The following FECH variants were observed in gnomAD, a reference collection of about 807,000 sequenced individuals.
FECH encodes ferrochelatase.
FECH carries 40 observed loss-of-function variants against 56.9 expected under a neutral mutation model. The observed-to-expected ratio is 0.70, with a 90% CI of 0.55 to 0.92. FECH has a LOEUF of 0.92. Among genes scored for constraint, FECH ranks in the 40% least tolerant of loss-of-function variants. The pLI is 0.00. For synonymous variants in FECH, 175 were observed against 198.6 expected (o/e 0.88, Z 1.00); for missense variants, 431 against 529.1 (o/e 0.81, Z 1.82).
chr18:57,557,083 C>A (rs1230000812), intron 7 of FECH, among the ~76,000 whole-genome samples: 1 of 152,112 alleles, frequency 6.6e-6, no homozygotes, highest in Non-Finnish European at 1.5e-5. Flanking sequence ...GTGGCATCCA[C>A]ATGAAGCCTG....
At chr18:57,581,602 T>C (rs1341745637) in intron 1 of FECH, among the ~76,000 whole-genome samples, 2 of 152,232 alleles carry the variant, frequency 1.3e-5, no homozygotes, top group East Asian at 1.9e-4. Context: ...TGACTCTGAA[T>C]TCAGCTCTGC....
Position 57,547,319 on chromosome 18 carries a change from TG to T in FECH, c.*3392del, listed in dbSNP as rs1401084091. On this transcript the variant is annotated 3_prime_UTR_variant, in exon 11 of 11. Coordinates refer to ENST00000262093, the MANE Select transcript of FECH (RefSeq NM_000140.5). ...GGGGCCAGGGTGGAATGATATGATT[TG>T]GCTCTGTTCCCCACCCAAATCTCAT... Among the ~76,000 whole-genome samples, 1 of 152,158 alleles carries T rather than the reference TG, an allele frequency of 6.6e-6. No individual in the cohort carries two copies. The highest frequency in any genetic ancestry group is 2.4e-5 in the African/African-American group (1 of 41,428).
chr18:57,584,825 A>G (rs1366147859), intron 1 of FECH, among the ~76,000 whole-genome samples: 1 of 148,056 alleles, frequency 6.8e-6, no homozygotes, highest in Non-Finnish European at 1.5e-5. Flanking sequence ...TTCTAATTAC[A>G]TAAGACAATA....
rs2051274501 is a variant in FECH at position 57,581,336 on chromosome 18, GC to G, written c.68-1138del. On this transcript the variant is annotated intron_variant, in intron 1 of 10. Coordinates refer to ENST00000262093, the MANE Select transcript of FECH (RefSeq NM_000140.5). ...CCCACCTGAATTGAGGAGATCATGTGCCATACTCAGCTGTCATATGAAGAGT... is the reference window on the plus strand; with the variant it reads ...CCCACCTGAATTGAGGAGATCATGTGCATACTCAGCTGTCATATGAAGAGT... 2.0e-5 allele frequency among the ~76,000 whole-genome samples: 3 copies of G among 152,318 alleles called. No homozygotes were observed. In the South Asian group the frequency reaches 6.2e-4, roughly 32 times the overall value.
chr18:57,548,149 G>T lies in FECH; in HGVS notation c.*2563C>A, dbSNP rs1245987928. On this transcript the variant is annotated 3_prime_UTR_variant, in exon 11 of 11. Coordinates refer to ENST00000262093, the MANE Select transcript of FECH (RefSeq NM_000140.5). ...CTCCTGTAGTCCCAGCTACTTGGAG[G>T]CTGAGGTGGGAGGATCACTTGAGCC... is the stretch of plus-strand genomic sequence containing the variant. 1 of 151,880 alleles carries T rather than the reference G, an allele frequency of 6.6e-6. No homozygotes were observed. The highest frequency in any genetic ancestry group is 1.5e-5 in the Non-Finnish European group (1 of 68,082). The allele number at this position is 151,880 out of a possible 1,614,324, so 9.4% of individuals were successfully genotyped here. A position where few individuals can be genotyped will look rare whatever the true frequency, so the allele number is the denominator to read the frequency against.
At chr18:57,579,260 G>GAT (rs1385157861) in intron 2 of FECH, among the ~76,000 whole-genome samples, 66 of 63,956 alleles carry the variant, frequency 1.0e-3, no homozygotes, top group South Asian at 5.9e-3. Flanking sequence ...AAAAAAAAAA[G>GAT]ATATATATAT....
intron 6 of FECH, 127 bp from the exon 7 acceptor site, chr18:57,559,370 T>C (rs2122270647): frequency 2.9e-6 from 2 of 691,760 alleles, no homozygotes. Flanking sequence ...CCGAACTCTC[T>C]TTTTTAAAAA....
rs1415171192 is a variant in FECH, at chr18:57,548,523, G to A, written c.*2189C>T. On this transcript the variant is annotated 3_prime_UTR_variant, in exon 11 of 11. Transcript: ENST00000262093. ...ATATACACAGCTGAAGAAACTGCCA[G>A]CAGTTCATTGCTAATTACCAGGGCA... 1 of 152,210 alleles carries A rather than the reference G, an allele frequency of 6.6e-6. No homozygotes were observed. The highest frequency in any genetic ancestry group is 1.5e-5 in the Non-Finnish European group (1 of 68,036). 9.4% of individuals were successfully genotyped at this position (152,210 alleles called of 1,614,324 possible).
intron 6 of FECH, 68 bp downstream of exon 6, chr18:57,562,806 C>T (rs2122284165): frequency 7.9e-7 from 1 of 1,259,248 alleles, no homozygotes; most frequent in Admixed American, 1.7e-5. Context: ...TCCACAAACC[C>T]AGAAGGGATG....
chr18:57,551,226 T>C (rs1318993256), intron 10 of FECH, 89 bp downstream of exon 10: 5 of 943,896 alleles, frequency 5.3e-6, no homozygotes, highest in Non-Finnish European at 1.7e-6. Flanking sequence ...AATGTTCTAA[T>C]ATGTGAGAAA....
intron 1 of FECH, among the ~76,000 whole-genome samples, chr18:57,583,586 G>C (rs895761279): frequency 6.6e-6 from 1 of 152,246 alleles, no homozygotes; most frequent in Non-Finnish European, 1.5e-5. Flanking sequence ...ATATCCAATA[G>C]TATAGACTTG....
intron 1 of FECH, among the ~76,000 whole-genome samples, chr18:57,581,878 C>A (rs193119934): frequency 2.7e-3 from 417 of 152,228 alleles, no homozygotes; most frequent in Admixed American, 4.5e-3. Flanking sequence ...TTTCCAACCA[C>A]CCAGATTGTA....
rs747565830 is a variant in FECH at position 57,563,580 on chromosome 18, CA to C, written c.599-601del. 2.6e-3 allele frequency among the ~76,000 whole-genome samples: 86 copies of C among 33,604 alleles called. 2 individuals are homozygous for C. The highest frequency in any genetic ancestry group is 6.3e-3 in the South Asian group (3 of 478). 22.0% of individuals were successfully genotyped at this position (33,604 alleles called of 152,430 possible). A position where few individuals can be genotyped will look rare whatever the true frequency, so the allele number is the denominator to read the frequency against. On this transcript the variant is annotated intron_variant, in intron 5 of 10. Transcript: ENST00000262093. Reference sequence around the variant, plus strand: ...GGGCAACAAGAGCGAAACTCCGTCCCAAAAAAAAAAAAAAAAAAAAAAAAGT... The same window carrying C: ...GGGCAACAAGAGCGAAACTCCGTCCCAAAAAAAAAAAAAAAAAAAAAAAGT...
chr18:57,570,039 G>C (rs2051078889), intron 4 of FECH, among the ~76,000 whole-genome samples: 1 of 68,842 alleles, frequency 1.5e-5, no homozygotes, highest in Non-Finnish European at 3.4e-5. Context: ...TGTCGTGTGT[G>C]TGTGTGTGTG....
chr18:57,550,163 C>CGTGTAGAT lies in FECH; in HGVS notation c.*548_*549insATCTACAC. 6.5e-6 allele frequency: 1 copy of CGTGTAGAT among 153,814 alleles called. No homozygotes were observed. Among genetic ancestry groups the CGTGTAGAT allele is most frequent in the Non-Finnish European group, 1.4e-5 (1 of 69,110 alleles). The allele number at this position is 153,814 out of a possible 1,614,324, so 9.5% of individuals were successfully genotyped here. On this transcript the variant is annotated 3_prime_UTR_variant, in exon 11 of 11. Transcript: ENST00000262093. ...TACCAAGATGACCAATGAATGGTGG[C>CGTGTAGAT]CTCGCTGGCAAAAGCAGCCATTGCA...
chr18:57,572,411 G>A (rs1051398526), intron 3 of FECH, among the ~76,000 whole-genome samples: 4 of 151,048 alleles, frequency 2.6e-5, no homozygotes, highest in East Asian at 2.0e-4. Context: ...AGGGCCTATC[G>A]TGGAGTGGGG....
rs530550923 is a variant in FECH at position 57,578,833 on chromosome 18, C to T, written c.194+1240G>A. ...AATCAGCTGGGTGTGGTGGCATGCA[C>T]CTGTAATCCCAGTTACTTGGGAGGC... On this transcript the variant is annotated intron_variant, in intron 2 of 10. Coordinates refer to ENST00000262093, the MANE Select transcript of FECH (RefSeq NM_000140.5). Among the ~76,000 whole-genome samples the T allele has an allele frequency of 1.4e-4, 21 of 151,434 alleles. No individual in the cohort carries two copies. The East Asian group carries it at 4.1e-3, about 29-fold the overall frequency.
At chr18:57,552,346 T>C (rs2050810893) in intron 9 of FECH, among the ~76,000 whole-genome samples, 1 of 152,086 alleles carries the variant, frequency 6.6e-6, no homozygotes, top group African/African-American at 2.4e-5. Flanking sequence ...CCCTTTTCTT[T>C]TGATAGCTTT....
intron 4 of FECH, 100 bp downstream of exon 4, chr18:57,571,292 G>A (rs2051101348): frequency 1.6e-6 from 2 of 1,249,530 alleles, no homozygotes; most frequent in Admixed American, 1.9e-5. Context: ...AAATTGAGTT[G>A]CCAGTACATA....
Sources: gnomAD v4.1 joint callset for allele counts (sites outside exome capture counted in the v4.1 genomes callset) on GRCh38, gnomAD v4.1.1 for gene constraint, MANE v1.5 for transcripts, NCBI Gene and HGNC (gene_info 2026-07-23, HGNC 2026-07-21) for gene names.